CNIH3: variants seen among roughly 807,000 people sequenced by gnomAD.
The protein encoded by CNIH3 is cornichon family AMPA receptor auxiliary protein 3, also known as protein cornichon homolog 3.
Under a neutral mutation model 24.1 loss-of-function variants are expected in CNIH3, and 14 were observed. The ratio of observed to expected loss-of-function variants is 0.58; its 90% CI spans 0.38 to 0.91. The LOEUF (loss-of-function observed/expected upper bound fraction) is 0.91, where lower values mean the gene tolerates loss of function less well. CNIH3 is among the 40% of genes least tolerant of loss of function. CNIH3 has a pLI of 0.00. For synonymous variants in CNIH3, 68 were observed against 73.8 expected, an observed-to-expected ratio of 0.92 and a Z score of 0.40; for missense variants, 178 against 196.8, an observed-to-expected ratio of 0.90 and a Z score of 0.57.
chr1:224,535,811 G>A (rs193233044), intron 2 of CNIH3, among the ~76,000 whole-genome samples: 160 of 152,338 alleles, frequency 1.1e-3, no homozygotes, highest in African/African-American at 3.7e-3. Flanking sequence ...GGCAGGGCAA[G>A]GGCCTATTCC....
At chr1:224,676,905 A>G (rs969608008) in intron 1 of CNIH3, among the ~76,000 whole-genome samples, 1 of 152,152 alleles carries the variant, frequency 6.6e-6, no homozygotes, top group African/African-American at 2.4e-5. Flanking sequence ...CTCCTCGGGG[A>G]AGCTTTGCTT....
Position 224,616,714 on chromosome 1 carries a change from G to C in CNIH3, c.-461G>C. The C allele has an allele frequency of 1.0e-6, 1 of 993,658 alleles. No homozygotes were observed. The highest frequency in any genetic ancestry group is 1.2e-6 in the Non-Finnish European group (1 of 835,732). The allele number at this position is 993,658 out of a possible 1,614,324, so 61.6% of individuals were successfully genotyped here. A position where few individuals can be genotyped will look rare whatever the true frequency, so the allele number is the denominator to read the frequency against. ...CTATCCGTTTGCGCCCCGGTGGCGC[G>C]GGAGGGTCCGGAGCGGAGCGCTCGT... On this transcript the variant is annotated 5_prime_UTR_variant, in exon 1 of 6. Transcript: ENST00000272133.
intron 1 of CNIH3, chr1:224,454,200 G>A (rs574097051): frequency 1.9e-4 from 135 of 696,396 alleles, no homozygotes; most frequent in Non-Finnish European, 2.1e-4. Flanking sequence ...AAGGTGCTAT[G>A]CTTTATCTAC....
chr1:224,471,438 A>G (rs1370427660), intron 1 of CNIH3, among the ~76,000 whole-genome samples: 1 of 152,104 alleles, frequency 6.6e-6, no homozygotes, highest in Non-Finnish European at 1.5e-5. Context: ...CCATCATTGT[A>G]CGCTCTATCT....
Position 224,703,972 on chromosome 1 carries a change from T to C in CNIH3, c.198+19129T>C, listed in dbSNP as rs1687642264. On this transcript the variant is annotated intron_variant, in intron 3 of 5. Transcript: ENST00000272133. The surrounding 1 kb of genome is among the most constrained non-coding windows in gnomAD (Gnocchi z 4.2). ...CTCAAAGGGAGCAACGGTGCACCAATCATGCGATGAATGAGGCCAGAGTTT... is the reference window on the plus strand; with the variant it reads ...CTCAAAGGGAGCAACGGTGCACCAACCATGCGATGAATGAGGCCAGAGTTT... 6.6e-6 allele frequency among the ~76,000 whole-genome samples: 1 copy of C among 152,178 alleles called. No homozygotes were observed. Among genetic ancestry groups the C allele is most frequent in the South Asian group, 2.1e-4 (1 of 4,826 alleles).
intron 1 of CNIH3, among the ~76,000 whole-genome samples, chr1:224,508,998 A>G (rs531891125): frequency 6.6e-6 from 1 of 152,286 alleles, no homozygotes; most frequent in South Asian, 2.1e-4. Flanking sequence ...AGTTGCCTGT[A>G]TCGTCTACTC....
chr1:224,722,774 G>T (rs78678805), intron 3 of CNIH3, among the ~76,000 whole-genome samples: 1 of 152,196 alleles, frequency 6.6e-6, no homozygotes, highest in African/African-American at 2.4e-5. Flanking sequence ...TTAAAGAAAT[G>T]GGTGGGAGGC....
chr1:224,647,367 A>C (rs1391015869), intron 1 of CNIH3, among the ~76,000 whole-genome samples: 6 of 152,186 alleles, frequency 3.9e-5, no homozygotes, highest in African/African-American at 1.4e-4. Context: ...CTTCAGACCA[A>C]ATAGTGAGGG....
intron 1 of CNIH3, among the ~76,000 whole-genome samples, chr1:224,443,946 G>T (rs187519484): frequency 6.6e-6 from 1 of 152,182 alleles, no homozygotes; most frequent in Non-Finnish European, 1.5e-5. Context: ...TCATAAATAG[G>T]CAAACAGTAT....
intron 1 of CNIH3, among the ~76,000 whole-genome samples, chr1:224,491,078 C>A (rs143721711): frequency 6.6e-6 from 1 of 152,270 alleles, no homozygotes; most frequent in Non-Finnish European, 1.5e-5. Context: ...TCTTGTCTGC[C>A]TATTACAAGG....
intron 1 of CNIH3, 67 bp from the exon 2 acceptor site, chr1:224,680,891 A>T: frequency 8.1e-7 from 1 of 1,228,274 alleles, no homozygotes. Flanking sequence ...GCAAATCCAC[A>T]GAAGCTTTGG....
At chr1:224,526,416 A>C (rs1029421932) in intron 2 of CNIH3, among the ~76,000 whole-genome samples, 5 of 152,220 alleles carry the variant, frequency 3.3e-5, no homozygotes, top group Non-Finnish European at 7.3e-5. Context: ...GTGAGGACAC[A>C]GCAACAAATT....
intron 1 of CNIH3, among the ~76,000 whole-genome samples, chr1:224,489,233 T>C (rs1572348617): frequency 6.6e-6 from 1 of 152,174 alleles, no homozygotes; most frequent in Non-Finnish European, 1.5e-5. Flanking sequence ...TCTGCTCAGG[T>C]CTTTTATTCT....
chr1:224,553,922 G>T (rs558353577), intron 3 of CNIH3, among the ~76,000 whole-genome samples: 1 of 151,112 alleles, frequency 6.6e-6, no homozygotes, highest in African/African-American at 2.4e-5. Flanking sequence ...CAAATACTTC[G>T]TACCTCTGTA....
At chr1:224,709,114 C>T (rs935808139) in intron 3 of CNIH3, among the ~76,000 whole-genome samples, 6 of 152,230 alleles carry the variant, frequency 3.9e-5, no homozygotes, top group African/African-American at 4.8e-5. Context: ...TCTAGCACCA[C>T]ATGGTTTTGA....
chr1:224,574,366 T>G (rs2125004825), intron 4 of CNIH3: 1 of 410,248 alleles, frequency 2.4e-6, no homozygotes, highest in South Asian at 5.8e-5. Context: ...TATTTTAATA[T>G]TATTAAGTTG....
intron 5 of CNIH3, among the ~76,000 whole-genome samples, chr1:224,735,640 T>C (rs894945753): frequency 1.5e-3 from 2 of 1,370 alleles, no homozygotes; most frequent in Non-Finnish European, 0.016. Flanking sequence ...TTGTCCAGCA[T>C]TTTTTATTTT....
chr1:224,731,800 G>A (rs1689344445), intron 4 of CNIH3, among the ~76,000 whole-genome samples: 1 of 152,248 alleles, frequency 6.6e-6, no homozygotes, highest in African/African-American at 2.4e-5. Flanking sequence ...CACATTCCAG[G>A]GCGAGGGCCC....
chr1:224,640,873 C>G (rs1684323918), intron 1 of CNIH3, among the ~76,000 whole-genome samples: 3 of 152,152 alleles, frequency 2.0e-5, no homozygotes, highest in African/African-American at 7.2e-5. Context: ...AGGCTGCAAG[C>G]CAGCTGCTTG....
Sources: allele counts gnomAD v4.1 joint callset (sites outside exome capture counted in the v4.1 genomes callset), GRCh38; gene constraint gnomAD v4.1.1; non-coding constraint Gnocchi (gnomAD v3.1); transcripts MANE v1.5; gene names NCBI Gene and HGNC (gene_info 2026-07-23, HGNC 2026-07-21).